PRPS1: variants seen among roughly 807,000 people sequenced by gnomAD.
PRPS1 encodes the protein ribose-phosphate pyrophosphokinase 1.
Under a neutral mutation model 16.9 loss-of-function variants are expected in PRPS1, and 1 was observed. The ratio of observed to expected loss-of-function variants is 0.06; its 90% CI spans 0.02 to 0.28. The LOEUF (loss-of-function observed/expected upper bound fraction) is 0.28, where lower values mean the gene tolerates loss of function less well. PRPS1 is among the 10% of genes least tolerant of loss of function. PRPS1 has a pLI of 1.00. For synonymous variants in PRPS1, 70 were observed against 90.2 expected (o/e 0.78, Z 1.27); for missense variants, 47 against 254.0 (o/e 0.19, Z 5.54).
At chrX:107,642,761 A>G (rs1228392503) in intron 4 of PRPS1, among the ~76,000 whole-genome samples, 4 of 111,950 alleles carry the variant, frequency 3.6e-5, no homozygotes. Context: ...AGAGCTAGCA[A>G]TACAGCTATA....
At chrX:107,640,471 T>G (rs2147682147) in intron 2 of PRPS1, among the ~76,000 whole-genome samples, 1 of 112,598 alleles carries the variant, frequency 8.9e-6, no homozygotes, top group Admixed American at 9.4e-5. Flanking sequence ...GTGATGTGAT[T>G]TACAAAGGAA....
rs1457665472 is a variant in PRPS1, at chrX:107,632,691, T to C, written c.122+3941T>C. On this transcript the variant is annotated intron_variant, in intron 1 of 6. Coordinates refer to ENST00000372435, the MANE Select transcript of PRPS1 (RefSeq NM_002764.4). ...TGCTGAATTAGGTTTTTCCACTTAA[T>C]AGATTATGTTAGGAGCAAACAGGTT... Among the ~76,000 whole-genome samples, 10 of 112,545 alleles carry C rather than the reference T, an allele frequency of 8.9e-5. No homozygotes were observed. The East Asian group carries it at 2.8e-3, about 31-fold the overall frequency.
chrX:107,638,955 G>T (rs190557438), intron 1 of PRPS1, among the ~76,000 whole-genome samples: 2 of 111,070 alleles, frequency 1.8e-5, no homozygotes, highest in African/African-American at 6.5e-5. Context: ...GGCTGGTCTC[G>T]AACTCCTGAC....
At chrX:107,638,523 C>T (rs754423996) in intron 1 of PRPS1, among the ~76,000 whole-genome samples, 1 of 111,925 alleles carries the variant, frequency 8.9e-6, no homozygotes, top group Non-Finnish European at 1.9e-5. Context: ...GGATTATAGG[C>T]GTGAGCCATC....
chrX:107,648,079 G>A (rs979099745), intron 6 of PRPS1, among the ~76,000 whole-genome samples: 2 of 112,016 alleles, frequency 1.8e-5, no homozygotes, highest in African/African-American at 6.5e-5. Context: ...GCAAATTAAA[G>A]TTTTCAAGTC....
intron 4 of PRPS1, 67 bp from the exon 5 acceptor site, chrX:107,645,110 G>C: frequency 8.5e-7 from 1 of 1,171,901 alleles, no homozygotes; most frequent in Non-Finnish European, 1.2e-6. Flanking sequence ...CACCGCCCCC[G>C]GCCTCTTTAG....
At chrX:107,630,059 TC>T (rs1876886655) in intron 1 of PRPS1, 1 of 112,530 alleles carries the variant, frequency 8.9e-6, no homozygotes, top group Non-Finnish European at 1.9e-5. Flanking sequence ...GACAGCTTCT[TC>T]CCGAATTATT....
intron 1 of PRPS1, among the ~76,000 whole-genome samples, chrX:107,633,441 A>AT (rs1236478799): frequency 9.3e-6 from 1 of 107,274 alleles, no homozygotes; most frequent in Non-Finnish European, 1.9e-5. Flanking sequence ...AAAAAAAAAA[A>AT]GTTTGGCTTT....
intron 1 of PRPS1, among the ~76,000 whole-genome samples, chrX:107,634,421 C>G (rs113906370): frequency 2.9e-5 from 3 of 103,037 alleles, no homozygotes; most frequent in Non-Finnish European, 3.9e-5. Context: ...TTAGTAGAGA[C>G]GGGGTTTCAC....
At position 107,634,835 on chromosome X, in the gene PRPS1, G is replaced by T. The variant is rs111806334; in HGVS notation, c.123-4460G>T. ...TTACTTGATAATGATAAAGTTTTTT[G>T]TTTTTTTTTTTTTTGAGACAGAGTC... On this transcript the variant is annotated intron_variant, in intron 1 of 6. Coordinates refer to ENST00000372435, the MANE Select transcript of PRPS1 (RefSeq NM_002764.4). 2.2e-3 allele frequency among the ~76,000 whole-genome samples: 194 copies of T among 87,841 alleles called. 1 individual carries two copies. Among genetic ancestry groups the T allele is most frequent in the African/African-American group, 6.7e-3 (129 of 19,255 alleles). 76.3% of individuals were successfully genotyped at this position (87,841 alleles called of 115,157 possible).
chrX:107,628,590 C>G lies in PRPS1; in HGVS notation c.-39C>G. The G allele has an allele frequency of 1.7e-6, 2 of 1,211,176 alleles. No individual in the cohort carries two copies. The highest frequency in any genetic ancestry group is 3.0e-5 in the East Asian group (1 of 33,846). On this transcript the variant is annotated 5_prime_UTR_variant, in exon 1 of 7. Coordinates refer to ENST00000372435, the MANE Select transcript of PRPS1 (RefSeq NM_002764.4). ...CTTCGGTTCCGGTCTCTGCAGCAGCCGTGATCGCTTAGTGGAGTGCTTAGG... is the reference window on the plus strand; with the variant it reads ...CTTCGGTTCCGGTCTCTGCAGCAGCGGTGATCGCTTAGTGGAGTGCTTAGG...
At chrX:107,644,303 C>T (rs1301559398) in intron 4 of PRPS1, among the ~76,000 whole-genome samples, 2 of 111,515 alleles carry the variant, frequency 1.8e-5, no homozygotes, top group Admixed American at 1.9e-4. Flanking sequence ...AAAAAAACTC[C>T]CAAGCTTGGT....
chrX:107,634,840 T>G lies in PRPS1; in HGVS notation c.123-4455T>G, dbSNP rs761534167. Among the ~76,000 whole-genome samples, 4 of 107,441 alleles carry G rather than the reference T, an allele frequency of 3.7e-5. No individual in the cohort carries two copies. In the South Asian group the frequency reaches 1.2e-3, roughly 33 times the overall value. The allele number at this position is 107,441 out of a possible 115,157, so 93.3% of individuals were successfully genotyped here. ...TGATAATGATAAAGTTTTTTGTTTT[T>G]TTTTTTTTTGAGACAGAGTCTCGCT... On this transcript the variant is annotated intron_variant, in intron 1 of 6. Transcript: ENST00000372435.
Position 107,650,208 on chromosome X carries a change from T to C in PRPS1, c.*176T>C. 1 of 862,065 alleles carries C rather than the reference T, an allele frequency of 1.2e-6. No individual in the cohort carries two copies. The highest frequency in any genetic ancestry group is 2.5e-5 in the South Asian group (1 of 40,013). 71.0% of individuals were successfully genotyped at this position (862,065 alleles called of 1,213,427 possible). A position where few individuals can be genotyped will look rare whatever the true frequency, so the allele number is the denominator to read the frequency against. ...GGAAAGACGGATTGAGATTAACTGCTGGGACCTCCTACCTGCATTATCTCA... is the reference window on the plus strand; with the variant it reads ...GGAAAGACGGATTGAGATTAACTGCCGGGACCTCCTACCTGCATTATCTCA... On this transcript the variant is annotated 3_prime_UTR_variant, in exon 7 of 7. Transcript: ENST00000372435.
intron 6 of PRPS1, among the ~76,000 whole-genome samples, chrX:107,649,418 CAGTT>C (rs1925780388): frequency 9.2e-6 from 1 of 108,490 alleles, no homozygotes; most frequent in African/African-American, 3.4e-5. Flanking sequence ...CGTTTTTTCT[CAGTT>C]AGCATTTTGA....
In PRPS1 at chrX:107,628,566, T is replaced by C; in HGVS notation, c.-63T>C. ...GCTTGGTATTGAGTCTGTGGCCGAC[T>C]TCGGTTCCGGTCTCTGCAGCAGCCG... On this transcript the variant is annotated 5_prime_UTR_variant, in exon 1 of 7. Coordinates refer to ENST00000372435, the MANE Select transcript of PRPS1 (RefSeq NM_002764.4). 1.7e-6 allele frequency: 2 copies of C among 1,210,032 alleles called. No individual in the cohort carries two copies. The highest frequency in any genetic ancestry group is 1.1e-6 in the Non-Finnish European group (1 of 894,860).
intron 1 of PRPS1, among the ~76,000 whole-genome samples, chrX:107,629,701 G>T (rs1252025361): frequency 8.9e-6 from 1 of 111,989 alleles, no homozygotes; most frequent in Non-Finnish European, 1.9e-5. Context: ...AGTAAAACTT[G>T]CTTCCTCGAC....
rs1925666328 is a variant in PRPS1 at position 107,645,256 on chromosome X, C to T, written c.610C>T (p.Arg204Cys). ...ACGGAAGAAGGCCAATGAAGTGGAC[C>T]GCATGGTGCTTGTGGGAGATGTGAA... The part of the protein sequence containing the change: ...KERKKANEVD[R>C]MVLVGDVKDR... Residue 204 changes from arginine to cysteine, a missense_variant, in exon 5 of 7, where the codon CGC (arginine) becomes TGC (cysteine). Transcript: ENST00000372435. 2 of 1,211,933 alleles carry T rather than the reference C, an allele frequency of 1.7e-6. No homozygotes were observed. The highest frequency in any genetic ancestry group is 2.2e-6 in the Non-Finnish European group (2 of 895,563).
chrX:107,633,778 T>G (rs897156054), intron 1 of PRPS1, among the ~76,000 whole-genome samples: 3 of 109,983 alleles, frequency 2.7e-5, no homozygotes, highest in Non-Finnish European at 5.7e-5. Context: ...AATACAAAAA[T>G]TAGCCAGGCG....
Sources: allele counts gnomAD v4.1 joint callset (sites outside exome capture counted in the v4.1 genomes callset), GRCh38; gene constraint gnomAD v4.1.1; transcripts MANE v1.5; gene names NCBI Gene and HGNC (gene_info 2026-07-23, HGNC 2026-07-21).